The following SSC5D variants were observed in gnomAD, a reference collection of about 807,000 sequenced individuals.
The protein encoded by SSC5D is scavenger receptor cysteine rich family member with 5 domains.
A neutral mutation model predicts 104.6 loss-of-function variants in SSC5D; 106 were observed. The observed-to-expected ratio is 1.01, with a 90% confidence interval of 0.87 to 1.19. The LOEUF is 1.19. SSC5D is among the 50% of genes most tolerant of loss of function. SSC5D has a pLI of 0.00. For missense variants in SSC5D, 1,993 were observed against 2,153.8 expected, an observed-to-expected ratio of 0.93 and a Z score of 1.48; for synonymous variants, 860 against 883.5, an observed-to-expected ratio of 0.97 and a Z score of 0.47.
chr19:55,509,887 AAAAAG>A (rs1278737818), intron 12 of SSC5D, among the ~76,000 whole-genome samples: 1 of 151,658 alleles, frequency 6.6e-6, no homozygotes, highest in Non-Finnish European at 1.5e-5. Context: ...AAAAGAAAAA[AAAAAG>A]AAAGAAATAC....
In SSC5D at chr19:55,488,720, G is replaced by A; in HGVS notation, c.25+106G>A. The A allele has an allele frequency of 4.0e-6, 4 of 990,654 alleles. No individual in the cohort carries two copies. In the South Asian group the frequency reaches 4.2e-5, roughly 10 times the overall value. The allele number at this position is 990,654 out of a possible 1,614,324, so 61.4% of individuals were successfully genotyped here. A position where few individuals can be genotyped will look rare whatever the true frequency, so the allele number is the denominator to read the frequency against. On this transcript the variant is annotated intron_variant, in intron 1 of 13. Transcript: ENST00000389623. ...CAAACTTCCGGGACTGGTCGCTGGT[G>A]CTCCTGCATACCCTGACATCCCTTC...
Position 55,501,109 on chromosome 19 carries a change from C to A in SSC5D, c.2693C>A (p.Thr898Asn), listed in dbSNP as rs1391095187. The change falls in exon 12 of 14, where the codon ACC (threonine) becomes AAC (asparagine). Residue 898 changes from threonine (T) to asparagine (N), a missense_variant. Physicochemically the swap from Thr to Asn is moderately conservative, Grantham distance 65. This residue lies in a region of SSC5D where 423 missense variants were observed against 409.2 expected (regional missense o/e 1.03). Coordinates refer to ENST00000389623, the MANE Select transcript of SSC5D (RefSeq NM_001144950.2). Reference protein sequence around the residue: ...TSREDLAKGTTTAGVPGHTLP... With the variant: ...TSREDLAKGTNTAGVPGHTLP... ...AGAGAGGACCTGGCCAAGGGGACTA[C>A]CACAGCGGGGGTACCTGGACACACT... The A allele has an allele frequency of 7.7e-6, 12 of 1,551,580 alleles. No individual in the cohort carries two copies. The African/African-American group carries it at 1.6e-4, about 21-fold the overall frequency.
chr19:55,490,481 C>T, intron 5 of SSC5D, 73 bp downstream of exon 5: 1 of 623,176 alleles, frequency 1.6e-6, no homozygotes, highest in East Asian at 3.1e-5. Context: ...AAACTGAGGA[C>T]CTGCGGGCGC....
intron 6 of SSC5D, among the ~76,000 whole-genome samples, chr19:55,493,121 T>C (rs1599913904): frequency 6.6e-6 from 1 of 151,646 alleles, no homozygotes; most frequent in Non-Finnish European, 1.5e-5. Flanking sequence ...GGCAAGGGAG[T>C]GAGGGCTTTC....
chr19:55,490,718 G>A, intron 5 of SSC5D, 54 bp from the exon 6 acceptor site: 1 of 1,436,052 alleles, frequency 7.0e-7, no homozygotes, highest in South Asian at 1.4e-5. Context: ...CGAGGAAGGG[G>A]TGTTTGAATC....
rs565844561 is a variant in SSC5D at position 55,489,184 on chromosome 19, G to T, written c.52+152G>T. On this transcript the variant is annotated intron_variant, in intron 2 of 13. Transcript: ENST00000389623. ...AGCTCCGCAAGGGAATCCCCCAGGT[G>T]TCTGGCCGCATCTCTCTGAGCACCC... 2.3e-4 allele frequency: 225 copies of T among 985,174 alleles called. 2 individuals carry two copies. In the Middle Eastern group the frequency reaches 2.3e-3, roughly 10 times the overall value. The allele number at this position is 985,174 out of a possible 1,614,324, so 61.0% of individuals were successfully genotyped here.
rs1449342872 is a variant in SSC5D, at chr19:55,489,474, G to A, written c.173G>A (p.Cys58Tyr). 2 of 1,474,058 alleles carry A rather than the reference G, an allele frequency of 1.4e-6. No individual in the cohort carries two copies. Among genetic ancestry groups the A allele is most frequent in the African/African-American group, 1.4e-5 (1 of 69,578 alleles). The allele number at this position is 1,474,058 out of a possible 1,614,324, so 91.3% of individuals were successfully genotyped here. Residue 58 changes from cysteine (C) to tyrosine (Y), a missense_variant, in exon 3 of 14, where the codon TGC (cysteine) becomes TAC (tyrosine). Cys to Tyr is a radical substitution (Grantham distance 194, BLOSUM62 -2). Around this residue, in one of 6 missense-constraint regions of SSC5D, gnomAD observed 1,101 missense variants for 1,085.0 expected, o/e 1.01. Coordinates refer to ENST00000389623, the MANE Select transcript of SSC5D (RefSeq NM_001144950.2). ...GWDLRDAAVA[C>Y]RQLGCGGALA... ...GACCTGCGCGATGCCGCCGTGGCCT[G>A]CCGGCAGCTGGGCTGCGGAGGGGCA...
At chr19:55,501,922 A>G (rs1987514984) in intron 12 of SSC5D, among the ~76,000 whole-genome samples, 1 of 151,526 alleles carries the variant, frequency 6.6e-6, no homozygotes, top group Admixed American at 6.6e-5. Context: ...TCTCACCCTC[A>G]TCATCTCTAT....
chr19:55,494,116 T>A (rs2123434091), intron 7 of SSC5D, among the ~76,000 whole-genome samples: 1 of 152,120 alleles, frequency 6.6e-6, no homozygotes, highest in South Asian at 2.1e-4. Context: ...AAGGGGACAT[T>A]GGACAGTGTT....
chr19:55,517,015 C>T (rs1171917009), intron 13 of SSC5D, among the ~76,000 whole-genome samples: 1 of 152,180 alleles, frequency 6.6e-6, no homozygotes, highest in Non-Finnish European at 1.5e-5. Context: ...CCGCATCCTC[C>T]CGCAGTGGAG....
intron 8 of SSC5D, among the ~76,000 whole-genome samples, chr19:55,495,541 G>T (rs1290711993): frequency 1.3e-5 from 2 of 150,538 alleles, no homozygotes; most frequent in African/African-American, 4.9e-5. Flanking sequence ...TCTCTTTCAT[G>T]AGTATTGAAA....
chr19:55,518,336 C>T lies in SSC5D; in HGVS notation c.4060C>T (p.Leu1354=), dbSNP rs1987941413. ...GGGGACAGAACTCTCCTCTCCCACTCTAGCACCAACAGTCAAGCCCAGTCT... is the reference window on the plus strand; with the variant it reads ...GGGGACAGAACTCTCCTCTCCCACTTTAGCACCAACAGTCAAGCCCAGTCT... ...SLGTELSSPT[L]APTVKPSLHP... The change falls in exon 14 of 14, where the codon CTA becomes TTA. Residue 1354 remains leucine (L), a synonymous_variant. Transcript: ENST00000389623. The T allele has an allele frequency of 6.5e-7, 1 of 1,547,914 alleles. No individual in the cohort carries two copies. The highest frequency in any genetic ancestry group is 8.7e-7 in the Non-Finnish European group (1 of 1,146,270).
At chr19:55,498,226 C>T in intron 9 of SSC5D, 29 bp downstream of exon 9, 1 of 1,548,844 alleles carries the variant, frequency 6.5e-7, no homozygotes, top group Non-Finnish European at 8.7e-7. Flanking sequence ...TCTGTTGACT[C>T]CAGGAGGGCT....
At chr19:55,504,541 C>G (rs1055089916) in intron 12 of SSC5D, among the ~76,000 whole-genome samples, 4 of 152,124 alleles carry the variant, frequency 2.6e-5, no homozygotes, top group African/African-American at 7.2e-5. Flanking sequence ...CGCTCTGTCA[C>G]CCACGCTGGA....
In SSC5D at chr19:55,517,515, C is replaced by T; in HGVS notation, c.3239C>T (p.Pro1080Leu). The T allele has an allele frequency of 6.4e-7, 1 of 1,551,358 alleles. No individual in the cohort carries two copies. Among genetic ancestry groups the T allele is most frequent in the Non-Finnish European group, 8.7e-7 (1 of 1,146,994 alleles). ...ALSTPDSSVV[P>L]ALTPEPSPTP... Reference sequence around the variant, plus strand: ...TCCACCCCTGACTCCAGTGTGGTTCCCGCGTTGACCCCGGAGCCCTCACCC... The same window carrying T: ...TCCACCCCTGACTCCAGTGTGGTTCTCGCGTTGACCCCGGAGCCCTCACCC... Residue 1080 changes from proline to leucine, a missense_variant, in exon 14 of 14, where the codon CCC becomes CTC. Around this residue, in one of 6 missense-constraint regions of SSC5D, gnomAD observed 423 missense variants for 409.2 expected, o/e 1.03. Transcript: ENST00000389623.
chr19:55,491,984 T>C (rs1559173), intron 6 of SSC5D: 128,179 of 152,604 alleles, frequency 0.84, 54,273 homozygotes, highest in African/African-American at 0.95. Flanking sequence ...CTGCCCAGGA[T>C]GGGTAGGAAA....
Position 55,518,491 on chromosome 19 carries a change from G to C in SSC5D, c.4215G>C (p.Leu1405=). ...CCACAGCCACAAGCATGGACCCACT[G>C]TCCACTGAGGACTTCAAGCCACCCA... is the stretch of plus-strand genomic sequence containing the variant. ...RSSTATSMDP[L]STEDFKPPRS... Residue 1405 remains leucine (L), a synonymous_variant, in exon 14 of 14, where the codon CTG becomes CTC. Transcript: ENST00000389623. 6.4e-7 allele frequency: 1 copy of C among 1,551,126 alleles called. No homozygotes were observed.
In SSC5D at chr19:55,490,793, G is replaced by T; in HGVS notation, c.608G>T (p.Gly203Val). 1 of 1,541,934 alleles carries T rather than the reference G, an allele frequency of 6.5e-7. No homozygotes were observed. The highest frequency in any genetic ancestry group is 1.2e-5 in the South Asian group (1 of 83,142). ...ACAGAGCGGCTGCGCCTGGTCTCTGGCCCCCACAGGTGCGCCGGACGCCTG... is the reference window on the plus strand; with the variant it reads ...ACAGAGCGGCTGCGCCTGGTCTCTGTCCCCCACAGGTGCGCCGGACGCCTG... ...PRQERLRLVS[G>V]PHRCAGRLEV... The change falls in exon 6 of 14, where the codon GGC becomes GTC. Residue 203 changes from glycine to valine, a missense_variant. This residue lies in a region of SSC5D where 1,101 missense variants were observed against 1,085.0 expected (regional missense o/e 1.01). Transcript: ENST00000389623.
At chr19:55,507,755 G>T (rs73059230) in intron 12 of SSC5D, among the ~76,000 whole-genome samples, 102 of 152,238 alleles carry the variant, frequency 6.7e-4, no homozygotes, top group Non-Finnish European at 1.0e-3. Context: ...CCTGAGGTGG[G>T]TGCATGCTCT....
Sources: allele counts gnomAD v4.1 joint callset (sites outside exome capture counted in the v4.1 genomes callset), GRCh38; gene constraint gnomAD v4.1.1; regional missense constraint gnomAD v4.1.1; transcripts MANE v1.5; gene names NCBI Gene and HGNC (gene_info 2026-07-23, HGNC 2026-07-21).